Variants in CMC1 observed in about 807,000 individuals in gnomAD.
CMC1 encodes the protein COX assembly mitochondrial protein homolog.
A neutral mutation model predicts 14.1 loss-of-function variants in CMC1; 14 were observed. That is an observed-to-expected ratio of 0.99 (90% CI 0.66 to 1.55). CMC1 has a LOEUF of 1.55. CMC1 is among the 40% of genes most tolerant of loss of function. The probability of loss-of-function intolerance (pLI) is 0.00; values close to 1 mark genes in which losing one functional copy is unlikely to be tolerated. For synonymous variants in CMC1, 50 were observed against 38.4 expected, an observed-to-expected ratio of 1.30 and a Z score of -1.12; for missense variants, 127 against 123.8, an observed-to-expected ratio of 1.03 and a Z score of -0.12.
chr3:28,271,923 T>G (rs1055213987), intron 2 of CMC1, among the ~76,000 whole-genome samples: 1 of 152,208 alleles, frequency 6.6e-6, no homozygotes, highest in South Asian at 2.1e-4. Flanking sequence ...TAGTTCTCCT[T>G]GAAGAGGTCC....
In CMC1 at chr3:28,324,765, A is replaced by G. The variant is rs1333500252; in HGVS notation, c.*5136A>G. On this transcript the variant is annotated 3_prime_UTR_variant, in exon 4 of 4. Coordinates refer to ENST00000466830, the MANE Select transcript of CMC1 (RefSeq NM_182523.2). ...GAGCTTTTAAAAGATGAAGAACTAC[A>G]TATTTTTAAAAGTTGGAAACTAATA... 1.8e-5 allele frequency: 4 copies of G among 222,314 alleles called. No individual in the cohort carries two copies. The highest frequency in any genetic ancestry group is 1.7e-4 in the South Asian group (1 of 5,770). 13.8% of individuals were successfully genotyped at this position (222,314 alleles called of 1,614,324 possible). A position where few individuals can be genotyped will look rare whatever the true frequency, so the allele number is the denominator to read the frequency against.
chr3:28,288,734 T>G (rs1701323953), intron 2 of CMC1, among the ~76,000 whole-genome samples: 1 of 151,964 alleles, frequency 6.6e-6, no homozygotes. Flanking sequence ...AGGATTATGA[T>G]GAATACATTT....
chr3:28,308,466 C>T (rs974367613), intron 2 of CMC1, among the ~76,000 whole-genome samples: 2 of 151,732 alleles, frequency 1.3e-5, no homozygotes, highest in Admixed American at 1.3e-4. Context: ...GGCCATGATG[C>T]AATAATTTCT....
At chr3:28,253,665 G>GA in intron 1 of CMC1, 1 of 854,688 alleles carries the variant, frequency 1.2e-6, no homozygotes, top group Non-Finnish European at 1.6e-6. Flanking sequence ...TCCAAATATA[G>GA]AAACTATTGC....
intron 2 of CMC1, among the ~76,000 whole-genome samples, chr3:28,276,934 T>C (rs553747723): frequency 2.5e-4 from 38 of 152,310 alleles, no homozygotes; most frequent in African/African-American, 8.7e-4. Context: ...GCAGTTTTAT[T>C]GTATTGTGCT....
At chr3:28,261,389 G>A (rs973856401) in intron 1 of CMC1, among the ~76,000 whole-genome samples, 9 of 152,260 alleles carry the variant, frequency 5.9e-5, no homozygotes, top group African/African-American at 1.9e-4. Context: ...GGTGTTGCAT[G>A]GCTCCAGGTA....
In CMC1 at chr3:28,321,927, A is replaced by C. The variant is rs1703200430; in HGVS notation, c.*2298A>C. The C allele has an allele frequency of 6.6e-6, 1 of 151,360 alleles. No individual in the cohort carries two copies. The highest frequency in any genetic ancestry group is 6.6e-5 in the Admixed American group (1 of 15,128). The allele number at this position is 151,360 out of a possible 1,614,324, so 9.4% of individuals were successfully genotyped here. ...AATTGAACCTTATAAAAAGAAATCT[A>C]AAGATTCCAAAGGAAGCTCTTTAGA... On this transcript the variant is annotated 3_prime_UTR_variant, in exon 4 of 4. Coordinates refer to ENST00000466830, the MANE Select transcript of CMC1 (RefSeq NM_182523.2).
intron 2 of CMC1, among the ~76,000 whole-genome samples, chr3:28,265,518 G>A (rs1053415077): frequency 1.3e-5 from 2 of 151,988 alleles, no homozygotes; most frequent in Non-Finnish European, 2.9e-5. Flanking sequence ...TATGCCAATT[G>A]TATGGTTCTT....
At chr3:28,252,030 T>G (rs1017110099) in intron 1 of CMC1, among the ~76,000 whole-genome samples, 1 of 152,242 alleles carries the variant, frequency 6.6e-6, no homozygotes, top group African/African-American at 2.4e-5. Flanking sequence ...TAAGAAATTA[T>G]GGCCACAATG....
intron 1 of CMC1, 77 bp downstream of exon 1, chr3:28,241,889 C>T (rs1427962558): frequency 8.2e-7 from 1 of 1,217,102 alleles, no homozygotes; most frequent in Non-Finnish European, 1.0e-6. Flanking sequence ...GGCTGGATGC[C>T]GACCTGGGAA....
intron 2 of CMC1, among the ~76,000 whole-genome samples, chr3:28,303,008 T>G (rs1014822519): frequency 1.2e-4 from 19 of 152,188 alleles, no homozygotes; most frequent in African/African-American, 4.3e-4. Context: ...AACCAATCTA[T>G]GTATGCCACA....
intron 2 of CMC1, among the ~76,000 whole-genome samples, chr3:28,298,775 G>A (rs1457330856): frequency 6.6e-6 from 1 of 151,966 alleles, no homozygotes; most frequent in Non-Finnish European, 1.5e-5. Context: ...AAATATGTAA[G>A]CATTTTATTC....
Position 28,324,275 on chromosome 3 carries a change from G to T in CMC1, c.*4646G>T. On this transcript the variant is annotated 3_prime_UTR_variant, in exon 4 of 4. Transcript: ENST00000466830. The stretch of plus-strand genomic sequence containing the variant: ...CTCTCATTGTCTGTCCATGATTGGA[G>T]GATTGCTTTCTCTGATAAAACCTTT... The T allele has an allele frequency of 6.2e-7, 1 of 1,608,846 alleles. No individual in the cohort carries two copies. The highest frequency in any genetic ancestry group is 8.5e-7 in the Non-Finnish European group (1 of 1,176,450).
At chr3:28,292,431 C>T (rs1701520765) in intron 2 of CMC1, among the ~76,000 whole-genome samples, 1 of 152,034 alleles carries the variant, frequency 6.6e-6, no homozygotes, top group Non-Finnish European at 1.5e-5. Context: ...TTACCCTTAT[C>T]CTAAACGTTG....
At chr3:28,292,229 T>G (rs1559429300) in intron 2 of CMC1, among the ~76,000 whole-genome samples, 2 of 152,170 alleles carry the variant, frequency 1.3e-5, no homozygotes. Flanking sequence ...TTTTATGGCA[T>G]AGGGGCAGCT....
At chr3:28,302,876 C>G (rs947358324) in intron 2 of CMC1, among the ~76,000 whole-genome samples, 1 of 152,094 alleles carries the variant, frequency 6.6e-6, no homozygotes, top group Non-Finnish European at 1.5e-5. Context: ...GGTTAAGTCT[C>G]TATTGCGTGG....
At position 28,263,325 on chromosome 3, in the gene CMC1, G is replaced by A. The variant is rs953791889; in HGVS notation, c.54G>A (p.Leu18=). The A allele has an allele frequency of 4.4e-6, 7 of 1,606,114 alleles. No individual in the cohort carries two copies. The highest frequency in any genetic ancestry group is 5.9e-6 in the Non-Finnish European group (7 of 1,176,886). ...TCAGACATGTCGAAAAAGATGTTTTGATCCCTAAAATAATGAGAGAAAAGG... is the reference window on the plus strand; with the variant it reads ...TCAGACATGTCGAAAAAGATGTTTTAATCCCTAAAATAATGAGAGAAAAGG... The part of the protein sequence containing the change: ...QHLRHVEKDV[L]IPKIMREKAK... Residue 18 remains leucine (L), a synonymous_variant, in exon 2 of 4, where the codon TTG becomes TTA. Coordinates refer to ENST00000466830, the MANE Select transcript of CMC1 (RefSeq NM_182523.2).
chr3:28,263,515 A>C (rs982524274), intron 2 of CMC1, 135 bp downstream of exon 2: 5 of 540,692 alleles, frequency 9.2e-6, no homozygotes, highest in Middle Eastern at 3.7e-4. Flanking sequence ...CTGAAATACC[A>C]GTATTTCAGC....
intron 2 of CMC1, among the ~76,000 whole-genome samples, chr3:28,292,352 A>G (rs912711465): frequency 6.6e-6 from 1 of 152,106 alleles, no homozygotes; most frequent in Non-Finnish European, 1.5e-5. Flanking sequence ...TATCTTTTCA[A>G]TTATTTTATT....
Sources: gnomAD v4.1 joint callset for allele counts (sites outside exome capture counted in the v4.1 genomes callset) on GRCh38, gnomAD v4.1.1 for gene constraint, MANE v1.5 for transcripts, NCBI Gene and HGNC (gene_info 2026-07-23, HGNC 2026-07-21) for gene names.